Variants in SLC19A1 observed in about 807,000 individuals in gnomAD.
The protein encoded by SLC19A1 is reduced folate transporter.
A neutral mutation model predicts 35.3 loss-of-function variants in SLC19A1; 37 were observed. That is an observed-to-expected ratio of 1.05 (90% CI 0.81 to 1.38). The LOEUF (loss-of-function observed/expected upper bound fraction) is 1.38. Among genes scored for constraint, SLC19A1 ranks in the 40% most tolerant of loss-of-function variants. SLC19A1 has a pLI of 0.00. For missense variants in SLC19A1, 831 were observed against 826.9 expected (o/e 1.00, Z -0.06); for synonymous variants, 460 against 398.5 (o/e 1.15, Z -1.84).
chr21:45,518,179 T>TA (rs908380547), intron 5 of SLC19A1, among the ~76,000 whole-genome samples: 2 of 151,410 alleles, frequency 1.3e-5, no homozygotes, highest in African/African-American at 4.9e-5. Context: ...ATAGGAGAAA[T>TA]AAAAAAAATT....
rs1160559789 is a variant in SLC19A1 at position 45,537,952 on chromosome 21, G to A, written c.8C>T (p.Pro3Leu). ...CTGCTTCTCCACCGCTGGGCTGGAG[G>A]GCACCATCCTGCTCAGGCCACGTGC... MV[P>L]SSPAVEKQVP... The change falls in exon 2 of 6, where the codon CCC (proline) becomes CTC (leucine). Residue 3 changes from proline (P) to leucine (L), a missense_variant. By Grantham distance (98) the Pro-to-Leu change is moderately conservative. Transcript: ENST00000311124. 7 of 1,569,192 alleles carry A rather than the reference G, an allele frequency of 4.5e-6. No homozygotes were observed. The highest frequency in any genetic ancestry group is 6.0e-6 in the Non-Finnish European group (7 of 1,162,150).
intron 1 of SLC19A1, among the ~76,000 whole-genome samples, chr21:45,558,893 C>T (rs1233205906): frequency 2.6e-5 from 4 of 151,410 alleles, no homozygotes; most frequent in Non-Finnish European, 5.9e-5. Flanking sequence ...ACTACAACCT[C>T]TGCCTCCCAG....
chr21:45,523,073 C>CA (rs77458289), intron 5 of SLC19A1, among the ~76,000 whole-genome samples: 66,220 of 151,892 alleles, frequency 0.44, 14,541 homozygotes, highest in East Asian at 0.53. Context: ...CAGGCAAACC[C>CA]AGGCAAGCTC....
chr21:45,507,675 A>C (rs2037303989), downstream of SLC19A1: 3 of 1,360,652 alleles, frequency 2.2e-6, no homozygotes, highest in African/African-American at 4.3e-5. Flanking sequence ...GAGGAACAAC[A>C]CGTGGTCCTT....
At chr21:45,504,229 C>G in intron 3 of SLC19A1, 1 of 920,210 alleles carries the variant, frequency 1.1e-6, no homozygotes, top group South Asian at 1.5e-5. Flanking sequence ...GTCCCCGGCT[C>G]AGTTTTTGGG....
At chr21:45,511,061 CAT>C (rs1370667094), downstream of SLC19A1, 327 of 740,190 alleles carry the variant, frequency 4.4e-4, 3 homozygotes, top group African/African-American at 6.4e-3. Context: ...CACCCACACC[CAT>C]CCACACCCCC....
At chr21:45,507,521 C>A (rs1409985436) in intron 3 of SLC19A1, 20 of 1,603,652 alleles carry the variant, frequency 1.2e-5, no homozygotes, top group Non-Finnish European at 1.6e-5. Flanking sequence ...TGGCTCAGGC[C>A]CAGCCGCAGG....
At chr21:45,518,690 G>T (rs964684469) in intron 5 of SLC19A1, among the ~76,000 whole-genome samples, 1 of 152,122 alleles carries the variant, frequency 6.6e-6, no homozygotes, top group African/African-American at 2.4e-5. Flanking sequence ...AAGCTATGAG[G>T]AAGGGGCACC....
At chr21:45,560,084 T>C (rs1371095232) in intron 1 of SLC19A1, among the ~76,000 whole-genome samples, 1 of 151,570 alleles carries the variant, frequency 6.6e-6, no homozygotes, top group African/African-American at 2.4e-5. Context: ...TCGTGCCAGG[T>C]GTGGCTAGAA....
Position 45,515,501 on chromosome 21 carries a change from C to A in SLC19A1, c.*157G>T. ...CCTGAGTGTCGCCAGCACGCTGTGG[C>A]CACCGCCAGAGTGCGGCACAGGGCA... On this transcript the variant is annotated 3_prime_UTR_variant, in exon 6 of 6. Coordinates refer to ENST00000311124, the MANE Select transcript of SLC19A1 (RefSeq NM_194255.4). 6.6e-7 allele frequency: 1 copy of A among 1,507,876 alleles called. No homozygotes were observed. Among genetic ancestry groups the A allele is most frequent in the Admixed American group, 2.3e-5 (1 of 44,088 alleles). The allele number at this position is 1,507,876 out of a possible 1,614,324, so 93.4% of individuals were successfully genotyped here.
chr21:45,532,251 A>C, intron 2 of SLC19A1, 103 bp from the exon 3 acceptor site: 1 of 929,318 alleles, frequency 1.1e-6, no homozygotes, highest in Non-Finnish European at 1.7e-6. Flanking sequence ...TCCTGCCCCA[A>C]CACTGCCTGG....
chr21:45,515,501 C>G lies in SLC19A1; in HGVS notation c.*157G>C, dbSNP rs1235745075. ...CCTGAGTGTCGCCAGCACGCTGTGG[C>G]CACCGCCAGAGTGCGGCACAGGGCA... On this transcript the variant is annotated 3_prime_UTR_variant, in exon 6 of 6. Coordinates refer to ENST00000311124, the MANE Select transcript of SLC19A1 (RefSeq NM_194255.4). 1 of 1,507,758 alleles carries G rather than the reference C, an allele frequency of 6.6e-7. No homozygotes were observed. Among genetic ancestry groups the G allele is most frequent in the Non-Finnish European group, 8.8e-7 (1 of 1,141,560 alleles). The allele number at this position is 1,507,758 out of a possible 1,614,324, so 93.4% of individuals were successfully genotyped here.
chr21:45,538,130 A>G (rs2078192340), intron 1 of SLC19A1, 122 bp from the exon 2 acceptor site: 2 of 573,686 alleles, frequency 3.5e-6, no homozygotes, highest in East Asian at 6.1e-5. Context: ...CTGGAGACGA[A>G]TGCAGACCCC....
Position 45,514,653 on chromosome 21 carries a change from C to G in SLC19A1, c.*1005G>C, listed in dbSNP as rs983027614. 1.2e-5 allele frequency: 3 copies of G among 247,398 alleles called. No homozygotes were observed. Among genetic ancestry groups the G allele is most frequent in the African/African-American group, 6.7e-5 (3 of 44,554 alleles). 15.3% of individuals were successfully genotyped at this position (247,398 alleles called of 1,614,324 possible). On this transcript the variant is annotated 3_prime_UTR_variant, in exon 6 of 6. Transcript: ENST00000311124. Reference sequence around the variant, plus strand: ...GCTGGGACGCCTCTCCTGGCCTCCTCACTGACTGCTGACCCTCAACCCCCA... The same window carrying G: ...GCTGGGACGCCTCTCCTGGCCTCCTGACTGACTGCTGACCCTCAACCCCCA...
At chr21:45,522,795 G>A (rs993399034) in intron 5 of SLC19A1, among the ~76,000 whole-genome samples, 13 of 152,240 alleles carry the variant, frequency 8.5e-5, no homozygotes, top group African/African-American at 2.2e-4. Context: ...TCATACAAGC[G>A]GAGAAGAGGG....
At chr21:45,507,258 G>T (rs1326394332) in intron 3 of SLC19A1, 1 of 486,514 alleles carries the variant, frequency 2.1e-6, no homozygotes, top group Non-Finnish European at 3.7e-6. Context: ...GTGCTGGGCA[G>T]GGAGGGCAAC....
chr21:45,536,033 C>T (rs937781859), intron 2 of SLC19A1: 29 of 325,194 alleles, frequency 8.9e-5, no homozygotes, highest in African/African-American at 6.0e-4. Context: ...TGCCTGCTCC[C>T]GCGTGAAGTT....
chr21:45,511,180 C>T (rs199908300), downstream of SLC19A1: 467 of 1,600,612 alleles, frequency 2.9e-4, 2 homozygotes, highest in African/African-American at 5.4e-3. Flanking sequence ...GCCCGGGGCA[C>T]GCATCTTCTC....
At chr21:45,525,079 C>G (rs1279973357) in intron 5 of SLC19A1, among the ~76,000 whole-genome samples, 1 of 152,196 alleles carries the variant, frequency 6.6e-6, no homozygotes, top group African/African-American at 2.4e-5. Context: ...TGCTATTGCC[C>G]GGGCCTTACC....
Sources: gnomAD v4.1 joint callset for allele counts (sites outside exome capture counted in the v4.1 genomes callset) on GRCh38, gnomAD v4.1.1 for gene constraint, MANE v1.5 for transcripts, NCBI Gene and HGNC (gene_info 2026-07-23, HGNC 2026-07-21) for gene names.